Variants in GALNT2 observed in about 807,000 individuals in gnomAD.
The protein encoded by GALNT2 is UDP-GalNAc:polypeptide N-acetylgalactosaminyltransferase 2.
In GALNT2, 31 loss-of-function variants were observed where a neutral mutation model predicts 81.4. The observed-to-expected ratio is 0.38, with a 90% CI of 0.29 to 0.51. GALNT2 has a LOEUF of 0.51. Among genes scored for constraint, GALNT2 ranks in the 20% least tolerant of loss-of-function variants. GALNT2 has a pLI of 0.87. For missense variants in GALNT2, 629 were observed against 765.7 expected, an observed-to-expected ratio of 0.82 and a Z score of 2.11; for synonymous variants, 303 against 287.4, an observed-to-expected ratio of 1.05 and a Z score of -0.55.
chr1:230,093,206 T>C (rs1006057060), intron 1 of GALNT2, among the ~76,000 whole-genome samples: 1 of 152,202 alleles, frequency 6.6e-6, no homozygotes, highest in African/African-American at 2.4e-5. Context: ...CATTTGATAA[T>C]ACAATGAAAC....
chr1:230,116,122 G>A (rs1660838781), intron 1 of GALNT2, among the ~76,000 whole-genome samples: 1 of 152,198 alleles, frequency 6.6e-6, no homozygotes, highest in Admixed American at 6.5e-5. Context: ...AATCACGAAT[G>A]TTCTTAATGG....
At chr1:230,160,090 T>A (rs948331554) in intron 1 of GALNT2, among the ~76,000 whole-genome samples, 29 of 152,346 alleles carry the variant, frequency 1.9e-4, no homozygotes, top group African/African-American at 7.0e-4. Context: ...TTCTCCAGGA[T>A]GACCACCATC....
At chr1:230,239,881 C>A (rs1426433992) in intron 6 of GALNT2, among the ~76,000 whole-genome samples, 1 of 152,186 alleles carries the variant, frequency 6.6e-6, no homozygotes, top group Non-Finnish European at 1.5e-5. Context: ...CTCTAACTTA[C>A]AACAGTCTGC....
intron 2 of GALNT2, among the ~76,000 whole-genome samples, chr1:230,182,119 T>C (rs1229377735): frequency 6.6e-6 from 1 of 152,150 alleles, no homozygotes; most frequent in Non-Finnish European, 1.5e-5. Flanking sequence ...AAAATGTGCC[T>C]TTTTTCCTTT....
intron 1 of GALNT2, among the ~76,000 whole-genome samples, chr1:230,106,879 A>T (rs745846801): frequency 1.3e-5 from 2 of 152,210 alleles, no homozygotes; most frequent in African/African-American, 2.4e-5. Flanking sequence ...GCACCGTGTC[A>T]TTAAACAATG....
rs1004543934 is a variant in GALNT2, at chr1:230,223,992, A to G, written c.375-12022A>G. On this transcript the variant is annotated intron_variant, in intron 3 of 15. Coordinates refer to ENST00000366672, the MANE Select transcript of GALNT2 (RefSeq NM_004481.5). ...GGAAAGAAAACCAACTGCCTGAATA[A>G]CCTCTAAGAAGGGTGCTCTAAAGGA... is the stretch of plus-strand genomic sequence containing the variant. Among the ~76,000 whole-genome samples, 3 of 152,168 alleles carry G rather than the reference A, an allele frequency of 2.0e-5. No individual in the cohort carries two copies. The South Asian group carries it at 6.2e-4, about 32-fold the overall frequency.
intron 1 of GALNT2, among the ~76,000 whole-genome samples, chr1:230,150,509 G>T (rs1662059956): frequency 6.6e-6 from 1 of 152,250 alleles, no homozygotes; most frequent in Non-Finnish European, 1.5e-5. Context: ...CGCAACCTTT[G>T]CAGAGAAGTG....
intron 6 of GALNT2, among the ~76,000 whole-genome samples, chr1:230,242,024 A>G (rs1032648812): frequency 3.3e-5 from 5 of 152,116 alleles, no homozygotes; most frequent in African/African-American, 1.2e-4. Flanking sequence ...TTTGGGTCCT[A>G]CCTCCTTTCC....
chr1:230,065,577 TTC>T (rs745630972), upstream of GALNT2, among the ~76,000 whole-genome samples: 8 of 152,206 alleles, frequency 5.3e-5, no homozygotes, highest in Non-Finnish European at 8.8e-5. Context: ...GAAATGTGAT[TTC>T]TGTTTTCTTT....
chr1:230,215,148 G>A (rs1037818752), intron 3 of GALNT2, among the ~76,000 whole-genome samples: 3 of 152,198 alleles, frequency 2.0e-5, no homozygotes, highest in African/African-American at 7.2e-5. Context: ...TTGCCACTAG[G>A]AAGTAGCCCT....
intron 2 of GALNT2, among the ~76,000 whole-genome samples, chr1:230,202,328 G>A (rs1043271561): frequency 2.6e-5 from 4 of 152,198 alleles, no homozygotes; most frequent in South Asian, 2.1e-4. Context: ...GACTTCACTC[G>A]CCTAGCAGTG....
chr1:230,181,722 T>G (rs1372896779), intron 2 of GALNT2, among the ~76,000 whole-genome samples: 1 of 152,082 alleles, frequency 6.6e-6, no homozygotes, highest in Non-Finnish European at 1.5e-5. Context: ...CTTTGTCTGG[T>G]TTTTGGTATT....
intron 1 of GALNT2, chr1:230,058,160 C>G (rs934073014): frequency 6.6e-6 from 3 of 454,618 alleles, no homozygotes; most frequent in Non-Finnish European, 1.3e-5. Flanking sequence ...AGTCTCCTTT[C>G]CTAGCACTCC....
intron 1 of GALNT2, among the ~76,000 whole-genome samples, chr1:230,122,908 T>A (rs904330736): frequency 2.0e-5 from 3 of 152,188 alleles, no homozygotes; most frequent in Admixed American, 6.5e-5. Context: ...CGTCTCTTGA[T>A]TGGCAGTTGA....
chr1:230,203,004 T>C (rs1663949056), intron 2 of GALNT2, 133 bp from the exon 3 acceptor site: 1 of 938,394 alleles, frequency 1.1e-6, no homozygotes, highest in South Asian at 1.8e-5. Flanking sequence ...TTTCAGCTAG[T>C]TTGTTGTTTA....
rs1484460842 is a variant in GALNT2, at chr1:230,279,401, G to A, written c.1659G>A (p.Glu553=). 6.2e-7 allele frequency: 1 copy of A among 1,614,172 alleles called. No individual in the cohort carries two copies. The highest frequency in any genetic ancestry group is 1.3e-5 in the African/African-American group (1 of 75,052). Residue 553 remains glutamate (E), a synonymous_variant, in exon 16 of 16, where the codon GAG becomes GAA. Coordinates refer to ENST00000366672, the MANE Select transcript of GALNT2 (RefSeq NM_004481.5). This position sits in a 1 kb window ranked among gnomAD's most constrained non-coding sequence, Gnocchi z 4.6. The stretch of plus-strand genomic sequence containing the variant: ...CCAAGAGCGGGGGCCTAAGCGTGGA[G>A]GTGTGTGGCCCGGCCCTTTCGCAGC... ...RTAKSGGLSV[E]VCGPALSQQW...
intron 1 of GALNT2, among the ~76,000 whole-genome samples, chr1:230,103,726 A>T (rs1660463821): frequency 7.2e-6 from 1 of 138,342 alleles, no homozygotes; most frequent in African/African-American, 2.8e-5. Context: ...ACAAAGCCAA[A>T]AGGAAAAAAA....
At chr1:230,253,215 T>G (rs1255277200) in intron 10 of GALNT2, among the ~76,000 whole-genome samples, 1 of 152,214 alleles carries the variant, frequency 6.6e-6, no homozygotes, top group Non-Finnish European at 1.5e-5. Flanking sequence ...CTTATGCTTA[T>G]GTGATTGTAA....
At chr1:230,219,209 G>A (rs550013437) in intron 3 of GALNT2, among the ~76,000 whole-genome samples, 35 of 152,296 alleles carry the variant, frequency 2.3e-4, no homozygotes, top group African/African-American at 8.4e-4. Flanking sequence ...CTTTGCCATG[G>A]CCCTTTAAAC....
Sources: allele counts gnomAD v4.1 joint callset (sites outside exome capture counted in the v4.1 genomes callset), GRCh38; gene constraint gnomAD v4.1.1; non-coding constraint Gnocchi (gnomAD v3.1); transcripts MANE v1.5; gene names NCBI Gene and HGNC (gene_info 2026-07-23, HGNC 2026-07-21).